GBE1: variants seen among roughly 807,000 people sequenced by gnomAD.
GBE1 encodes 1,4-alpha-glucan branching enzyme 1.
In GBE1, 70 loss-of-function variants were observed where a neutral mutation model predicts 88.8. The ratio of observed to expected loss-of-function variants is 0.79; its 90% CI spans 0.65 to 0.96. The LOEUF (loss-of-function observed/expected upper bound fraction) is 0.96, where lower values mean the gene tolerates loss of function less well. Ranked by LOEUF, GBE1 falls within the 40% of genes least tolerant of loss-of-function variation. The pLI, the probability that GBE1 is intolerant of heterozygous loss-of-function variation, is 0.00. For missense variants in GBE1, 872 were observed against 871.0 expected (o/e 1.00, Z -0.01); for synonymous variants, 284 against 300.1 (o/e 0.95, Z 0.56).
chr3:81,652,360 T>C (rs1022507715), intron 3 of GBE1, among the ~76,000 whole-genome samples: 70 of 152,224 alleles, frequency 4.6e-4, no homozygotes, highest in African/African-American at 1.4e-3. Flanking sequence ...TCTAAGTTTG[T>C]AGGTAGGGTA....
At chr3:81,684,649 A>G (rs1182748170) in intron 2 of GBE1, among the ~76,000 whole-genome samples, 1 of 152,202 alleles carries the variant, frequency 6.6e-6, no homozygotes, top group Non-Finnish European at 1.5e-5. Context: ...AGGAGACGCA[A>G]ACACTCAGTC....
At chr3:81,645,301 A>G (rs571537506) in intron 6 of GBE1, among the ~76,000 whole-genome samples, 9 of 152,204 alleles carry the variant, frequency 5.9e-5, no homozygotes, top group Non-Finnish European at 1.2e-4. Context: ...GAAATTAATA[A>G]TAAGCAACAA....
chr3:81,586,256 G>C, intron 9 of GBE1, 66 bp from the exon 10 acceptor site: 1 of 971,606 alleles, frequency 1.0e-6, no homozygotes, highest in South Asian at 1.6e-5. Context: ...GTAAAGCCCA[G>C]GTCAATAAAT....
chr3:81,571,211 C>T (rs1384649681), intron 12 of GBE1, among the ~76,000 whole-genome samples: 2 of 152,122 alleles, frequency 1.3e-5, no homozygotes, highest in Non-Finnish European at 1.5e-5. Context: ...TTACTTATTT[C>T]CTCCTTTTAT....
At chr3:81,649,645 C>T (rs1704816624) in intron 4 of GBE1, 151 bp downstream of exon 4, 2 of 552,682 alleles carry the variant, frequency 3.6e-6, no homozygotes, top group Non-Finnish European at 6.2e-6. Context: ...GACTATGATA[C>T]TCATACAGTA....
intron 1 of GBE1, among the ~76,000 whole-genome samples, chr3:81,718,572 A>C (rs974328474): frequency 6.6e-6 from 1 of 152,144 alleles, no homozygotes; most frequent in African/African-American, 2.4e-5. Flanking sequence ...CCAAGATTTT[A>C]CCTCCAAAGC....
intron 7 of GBE1, among the ~76,000 whole-genome samples, chr3:81,615,942 C>A (rs1487018856): frequency 1.3e-5 from 2 of 152,104 alleles, no homozygotes; most frequent in Non-Finnish European, 2.9e-5. Context: ...GGTGTAGTTA[C>A]TATTTTAATT....
intron 12 of GBE1, among the ~76,000 whole-genome samples, chr3:81,554,858 C>T (rs1227456439): frequency 3.3e-5 from 5 of 152,146 alleles, no homozygotes; most frequent in African/African-American, 1.2e-4. Flanking sequence ...AGAGCTCTAA[C>T]TCCCCAAGTA....
intron 3 of GBE1, among the ~76,000 whole-genome samples, chr3:81,660,190 G>C (rs908532387): frequency 1.3e-5 from 2 of 152,108 alleles, no homozygotes; most frequent in Non-Finnish European, 2.9e-5. Flanking sequence ...TTTTTTAACA[G>C]CATTCCAGTA....
intron 14 of GBE1, among the ~76,000 whole-genome samples, chr3:81,500,950 A>G (rs1702578204): frequency 1.3e-5 from 2 of 152,212 alleles, no homozygotes. Context: ...ACCAGGGCCT[A>G]CTTGAGGGTA....
intron 12 of GBE1, among the ~76,000 whole-genome samples, chr3:81,565,141 TA>T (rs1214040625): frequency 6.6e-6 from 1 of 152,198 alleles, no homozygotes; most frequent in African/African-American, 2.4e-5. Context: ...GAATATACGC[TA>T]TTTGTATCTC....
rs77451632 is a variant in GBE1 at position 81,663,120 on chromosome 3, G to A, written c.429+7718C>T. 1.9e-4 allele frequency among the ~76,000 whole-genome samples: 29 copies of A among 152,270 alleles called. No homozygotes were observed. In the East Asian group the frequency reaches 3.3e-3, roughly 17 times the overall value. On this transcript the variant is annotated intron_variant, in intron 3 of 15. Transcript: ENST00000429644. Reference sequence around the variant, plus strand: ...TTTAAATAATACAGAAGAGGGAAGGGAAGTGCTGGGTAGAGAAAGCTGGGT... The same window carrying A: ...TTTAAATAATACAGAAGAGGGAAGGAAAGTGCTGGGTAGAGAAAGCTGGGT...
At chr3:81,524,652 C>A (rs548906594) in intron 14 of GBE1, among the ~76,000 whole-genome samples, 2 of 151,898 alleles carry the variant, frequency 1.3e-5, no homozygotes, top group East Asian at 3.9e-4. Flanking sequence ...CCAGCACCGT[C>A]TATTGAAGAA....
intron 2 of GBE1, among the ~76,000 whole-genome samples, chr3:81,705,032 A>G (rs1452751806): frequency 6.6e-6 from 1 of 152,162 alleles, no homozygotes; most frequent in Non-Finnish European, 1.5e-5. Flanking sequence ...AAAAGAGTAT[A>G]AGGCTATACA....
intron 9 of GBE1, among the ~76,000 whole-genome samples, chr3:81,589,551 G>A (rs1703847969): frequency 6.6e-6 from 1 of 151,300 alleles, no homozygotes; most frequent in African/African-American, 2.4e-5. Context: ...ATATAAAGTA[G>A]GCTAAAGTCT....
chr3:81,542,921 G>C (rs1703160264), intron 12 of GBE1, among the ~76,000 whole-genome samples: 1 of 151,934 alleles, frequency 6.6e-6, no homozygotes, highest in Non-Finnish European at 1.5e-5. Flanking sequence ...GTTAATTTCA[G>C]TACTTAGAAA....
At position 81,526,906 on chromosome 3, in the gene GBE1, T is replaced by C. The variant is rs1445266130; in HGVS notation, c.1934+8289A>G. Among the ~76,000 whole-genome samples, 7 of 152,126 alleles carry C rather than the reference T, an allele frequency of 4.6e-5. No individual in the cohort carries two copies. The East Asian group carries it at 7.8e-4, about 17-fold the overall frequency. On this transcript the variant is annotated intron_variant, in intron 14 of 15. Coordinates refer to ENST00000429644, the MANE Select transcript of GBE1 (RefSeq NM_000158.4). ...TATGGAACCAAAAAAGAGCCCGCATTGCCAAGTCAATCCTAAGTCAAAAGA... is the reference window on the plus strand; with the variant it reads ...TATGGAACCAAAAAAGAGCCCGCATCGCCAAGTCAATCCTAAGTCAAAAGA...
At chr3:81,541,481 G>A (rs919814026) in intron 12 of GBE1, among the ~76,000 whole-genome samples, 2 of 146,278 alleles carry the variant, frequency 1.4e-5, no homozygotes, top group East Asian at 2.0e-4. Context: ...AAATTCATAT[G>A]TTGAAATATT....
At chr3:81,580,679 G>A (rs930406523) in intron 11 of GBE1, among the ~76,000 whole-genome samples, 1 of 152,044 alleles carries the variant, frequency 6.6e-6, no homozygotes, top group Non-Finnish European at 1.5e-5. Context: ...AACTTAGGCT[G>A]TATTCGAGAA....
Sources: gnomAD v4.1 joint callset for allele counts (sites outside exome capture counted in the v4.1 genomes callset) on GRCh38, gnomAD v4.1.1 for gene constraint, MANE v1.5 for transcripts, NCBI Gene and HGNC (gene_info 2026-07-23, HGNC 2026-07-21) for gene names.